The following LRRC37A2 variants were observed in gnomAD, a reference collection of about 807,000 sequenced individuals.
LRRC37A2 encodes leucine rich repeat containing 37 member A2, also known as leucine-rich repeat-containing protein 37A2.
Under a neutral mutation model 68.8 loss-of-function variants are expected in LRRC37A2, and 9 were observed. That is an observed-to-expected ratio of 0.13 (90% confidence interval 0.08 to 0.23). LRRC37A2 has a LOEUF of 0.23. Ranked by LOEUF, LRRC37A2 falls within the 10% of genes least tolerant of loss-of-function variation. The pLI is 1.00. For synonymous variants in LRRC37A2, 63 were observed against 367.6 expected, an observed-to-expected ratio of 0.17 and a Z score of 9.48; for missense variants, 168 against 950.4, an observed-to-expected ratio of 0.18 and a Z score of 10.82.
intron 6 of LRRC37A2, among the ~76,000 whole-genome samples, chr17:46,525,614 A>ATCATC (rs1567941979): frequency 9.6e-5 from 11 of 114,504 alleles, no homozygotes; most frequent in African/African-American, 3.0e-4. Flanking sequence ...TAATAATAAT[A>ATCATC]ATCATCATCA....
chr17:46,533,745 T>A (rs2054105298), intron 6 of LRRC37A2, among the ~76,000 whole-genome samples: 1 of 90,126 alleles, frequency 1.1e-5, no homozygotes, highest in East Asian at 3.0e-4. Flanking sequence ...CAAGTGATCC[T>A]CCAGCCTCAG....
the LRRC37A2 span, among the ~76,000 whole-genome samples, chr17:46,872,968 G>T: frequency 6.6e-6 from 1 of 152,082 alleles, no homozygotes; most frequent in African/African-American, 2.4e-5. Context: ...CTGTGGCCCA[G>T]CCTCAGGTTT....
At chr17:47,017,243 T>C in the LRRC37A2 span, 2 of 1,611,624 alleles carry the variant, frequency 1.2e-6, no homozygotes, top group Non-Finnish European at 8.5e-7. Context: ...CCCGGCTGCG[T>C]TTCTGGGGCC....
the LRRC37A2 span, chr17:46,486,982 A>C: frequency 6.3e-6 from 4 of 636,446 alleles, no homozygotes; most frequent in Non-Finnish European, 9.1e-6. Flanking sequence ...TCTTAAATTG[A>C]ATATATTCTT....
intron 8 of LRRC37A2, among the ~76,000 whole-genome samples, chr17:46,545,936 T>C (rs1435772420): frequency 6.8e-6 from 1 of 148,102 alleles, no homozygotes; most frequent in Non-Finnish European, 1.5e-5. Flanking sequence ...CTTAAAAGTC[T>C]ACCTTCTTCC....
chr17:46,958,349 A>G, the LRRC37A2 span, among the ~76,000 whole-genome samples: 1 of 152,356 alleles, frequency 6.6e-6, no homozygotes, highest in East Asian at 1.9e-4. Context: ...AATTACCCAA[A>G]AATCCACTCC....
the LRRC37A2 span, among the ~76,000 whole-genome samples, chr17:46,794,056 C>T: frequency 0.015 from 2,216 of 152,138 alleles, 21 homozygotes; most frequent in African/African-American, 0.017. Context: ...ATCTAACAGG[C>T]ATGTTCATAG....
chr17:46,542,791 A>G lies in LRRC37A2; in HGVS notation c.3053+1910A>G, dbSNP rs555891946. Reference sequence around the variant, plus strand: ...TTGTTACACAATTTACTGCAACTTCAATTGTGCCACCAGCCCCCACAATAT... The same window carrying G: ...TTGTTACACAATTTACTGCAACTTCGATTGTGCCACCAGCCCCCACAATAT... On this transcript the variant is annotated intron_variant, in intron 8 of 14. Coordinates refer to ENST00000576629, the Ensembl canonical transcript of LRRC37A2. Among the ~76,000 whole-genome samples, 6 of 150,644 alleles carry G rather than the reference A, an allele frequency of 4.0e-5. 1 individual carries two copies. In the South Asian group the frequency reaches 1.2e-3, roughly 31 times the overall value.
the LRRC37A2 span, among the ~76,000 whole-genome samples, chr17:46,382,299 A>G: frequency 1.1e-5 from 1 of 90,978 alleles, no homozygotes; most frequent in East Asian, 2.4e-4. Flanking sequence ...TAAAAAATAG[A>G]ACATTACAGA....
chr17:46,771,690 C>G, the LRRC37A2 span, among the ~76,000 whole-genome samples: 1 of 143,742 alleles, frequency 7.0e-6, no homozygotes, highest in East Asian at 2.1e-4. Context: ...CGGGCGGCTC[C>G]CGCGGCCGGG....
the LRRC37A2 span, among the ~76,000 whole-genome samples, chr17:46,822,393 C>T: frequency 0.19 from 28,522 of 152,260 alleles, 3,319 homozygotes; most frequent in South Asian, 0.4. Flanking sequence ...CAGGAAGCCC[C>T]TGACCTGCAC....
chr17:47,019,479 A>T, the LRRC37A2 span: 1 of 1,588,448 alleles, frequency 6.3e-7, no homozygotes, highest in South Asian at 1.1e-5. Flanking sequence ...CACTACAGAG[A>T]TTGGACATTC....
the LRRC37A2 span, chr17:46,769,772 G>A: frequency 5.0e-6 from 8 of 1,609,042 alleles, no homozygotes; most frequent in East Asian, 1.3e-4. Flanking sequence ...GGGGAGGGTA[G>A]CCGGGCTCAC....
chr17:46,473,633 C>T, the LRRC37A2 span, among the ~76,000 whole-genome samples: 2 of 49,842 alleles, frequency 4.0e-5, no homozygotes, highest in East Asian at 3.3e-4. Flanking sequence ...TGGTGGCTCA[C>T]GCCTGTAATC....
At chr17:46,712,970 TGACCTTGATGG>T in the LRRC37A2 span, among the ~76,000 whole-genome samples, 1 of 152,164 alleles carries the variant, frequency 6.6e-6, no homozygotes, top group Non-Finnish European at 1.5e-5. Flanking sequence ...AGATCATTTG[TGACCTTGATGG>T]GAGCCTGTTC....
chr17:47,008,215 A>G, the LRRC37A2 span, among the ~76,000 whole-genome samples: 3 of 149,920 alleles, frequency 2.0e-5, no homozygotes, highest in East Asian at 5.9e-4. Flanking sequence ...GGTTCATGCC[A>G]TTCTCCTGCC....
the LRRC37A2 span, among the ~76,000 whole-genome samples, chr17:46,908,271 G>T: frequency 2.0e-5 from 3 of 151,774 alleles, no homozygotes; most frequent in Non-Finnish European, 2.9e-5. Context: ...GGCCCGCAGC[G>T]GGAAGGGGGC....
chr17:46,638,503 G>A, the LRRC37A2 span, among the ~76,000 whole-genome samples: 5 of 48,200 alleles, frequency 1.0e-4, no homozygotes, highest in Non-Finnish European at 1.3e-4. Flanking sequence ...TCTGCCTCCC[G>A]AGTAACTGGG....
At chr17:46,821,538 GTTAA>G in the LRRC37A2 span, among the ~76,000 whole-genome samples, 1 of 152,212 alleles carries the variant, frequency 6.6e-6, no homozygotes, top group Admixed American at 6.5e-5. Flanking sequence ...TGGAGAAAGG[GTTAA>G]ATTCACTCCA....
Sources: allele counts gnomAD v4.1 joint callset (sites outside exome capture counted in the v4.1 genomes callset), GRCh38; gene constraint gnomAD v4.1.1; transcripts MANE v1.5; gene names NCBI Gene and HGNC (gene_info 2026-07-23, HGNC 2026-07-21).